Variants in SMYD3 observed in about 807,000 individuals in gnomAD.
SMYD3 encodes the protein SET and MYND domain containing 3.
Under a neutral mutation model 57.7 loss-of-function variants are expected in SMYD3, and 36 were observed. The ratio of observed to expected loss-of-function variants is 0.62; its 90% CI spans 0.48 to 0.82. The LOEUF (loss-of-function observed/expected upper bound fraction) is 0.82, where lower values mean the gene tolerates loss of function less well. Among genes scored for constraint, SMYD3 ranks in the 40% least tolerant of loss-of-function variants. The pLI, the probability that SMYD3 is intolerant of heterozygous loss-of-function variation, is 0.00. For missense variants in SMYD3, 515 were observed against 538.8 expected (o/e 0.96, Z 0.44); for synonymous variants, 211 against 195.0 (o/e 1.08, Z -0.68).
intron 10 of SMYD3, among the ~76,000 whole-genome samples, chr1:245,831,787 C>G (rs1164279098): frequency 6.6e-6 from 1 of 152,148 alleles, no homozygotes; most frequent in African/African-American, 2.4e-5. Context: ...TTGTGGCCAC[C>G]CCTCAAACTG....
chr1:246,005,151 A>C (rs1284291110), intron 5 of SMYD3, among the ~76,000 whole-genome samples: 1 of 152,172 alleles, frequency 6.6e-6, no homozygotes, highest in Non-Finnish European at 1.5e-5. Context: ...GACTGGCCTA[A>C]TTTTAACATT....
intron 5 of SMYD3, among the ~76,000 whole-genome samples, chr1:246,242,460 T>C (rs2063630487): frequency 2.6e-5 from 4 of 152,214 alleles, no homozygotes; most frequent in Admixed American, 2.0e-4. Context: ...GAGAGACAGT[T>C]TGTTATAATT....
intron 5 of SMYD3, among the ~76,000 whole-genome samples, chr1:246,248,442 T>C (rs2063743272): frequency 6.6e-6 from 1 of 152,084 alleles, no homozygotes; most frequent in South Asian, 2.1e-4. Flanking sequence ...TTTTGGAAAG[T>C]AATTTGGGCA....
chr1:246,029,006 T>C (rs1400600349), intron 5 of SMYD3, among the ~76,000 whole-genome samples: 1 of 152,194 alleles, frequency 6.6e-6, no homozygotes, highest in Admixed American at 6.5e-5. Context: ...TAAATGGTGT[T>C]GGGAAGATTC....
At chr1:246,136,415 A>AG (rs2061666365) in intron 5 of SMYD3, among the ~76,000 whole-genome samples, 1 of 152,184 alleles carries the variant, frequency 6.6e-6, no homozygotes, top group African/African-American at 2.4e-5. Context: ...AGTTGTGAAT[A>AG]ATGCTGCCCC....
chr1:245,806,851 A>T (rs963779444), intron 10 of SMYD3, among the ~76,000 whole-genome samples: 3 of 132,692 alleles, frequency 2.3e-5, no homozygotes, highest in Admixed American at 8.8e-5. Context: ...CGGAGCTTGC[A>T]GTGAGCCGAG....
intron 5 of SMYD3, among the ~76,000 whole-genome samples, chr1:246,316,599 T>C (rs2065163739): frequency 6.9e-6 from 1 of 145,048 alleles, no homozygotes; most frequent in African/African-American, 2.5e-5. Flanking sequence ...CAGGATGGTC[T>C]TGAACTCCTG....
At chr1:246,423,166 G>A (rs529953406) in intron 1 of SMYD3, among the ~76,000 whole-genome samples, 177 of 151,786 alleles carry the variant, frequency 1.2e-3, no homozygotes, top group Middle Eastern at 3.4e-3. Flanking sequence ...GCATGGTGGC[G>A]CATGCCTATA....
At chr1:246,253,949 G>A (rs2063836597) in intron 5 of SMYD3, among the ~76,000 whole-genome samples, 1 of 152,050 alleles carries the variant, frequency 6.6e-6, no homozygotes. Flanking sequence ...GGCTGAACTA[G>A]GTTTATATTC....
At chr1:246,210,056 GC>G (rs1487539872) in intron 5 of SMYD3, among the ~76,000 whole-genome samples, 1 of 152,112 alleles carries the variant, frequency 6.6e-6, no homozygotes, top group African/African-American at 2.4e-5. Context: ...CACCTAGAGA[GC>G]CTGTTTAAAA....
chr1:246,307,413 C>CTTTTT (rs869254416), intron 5 of SMYD3, among the ~76,000 whole-genome samples: 42 of 96,076 alleles, frequency 4.4e-4, no homozygotes, highest in East Asian at 1.0e-3. Flanking sequence ...TTAGGGGATT[C>CTTTTT]TTTTTTTTTT....
chr1:245,925,761 C>T (rs1192901593), intron 7 of SMYD3, among the ~76,000 whole-genome samples: 2 of 152,154 alleles, frequency 1.3e-5, no homozygotes, highest in Non-Finnish European at 2.9e-5. Context: ...GATTGTCTGT[C>T]CTCATAAAGC....
At position 246,506,995 on chromosome 1, in the gene SMYD3, C is replaced by A. The variant is rs907796506; in HGVS notation, c.164+59G>T. 288 of 825,390 alleles carry A rather than the reference C, an allele frequency of 3.5e-4. 16 individuals are homozygous for A. Among genetic ancestry groups the A allele is most frequent in the Non-Finnish European group, 3.9e-4 (239 of 616,380 alleles). The allele number at this position is 825,390 out of a possible 1,614,324, so 51.1% of individuals were successfully genotyped here. ...CGGCTGCCGGCCGCCCGACGCCCCC[C>A]CCTCCCCAGCACCCCACACAGCTCG... On this transcript the variant is annotated intron_variant, in intron 1 of 11. Coordinates refer to ENST00000490107, the MANE Select transcript of SMYD3 (RefSeq NM_001167740.2).
In SMYD3 at chr1:246,273,135, C is replaced by CTTTT. The variant is rs71299006; in HGVS notation, c.531+54062_531+54065dup. 5.6e-3 allele frequency among the ~76,000 whole-genome samples: 602 copies of CTTTT among 107,576 alleles called. 20 individuals are homozygous for CTTTT. Among genetic ancestry groups the CTTTT allele is most frequent in the African/African-American group, 0.019 (526 of 27,370 alleles). The allele number at this position is 107,576 out of a possible 152,430, so 70.6% of individuals were successfully genotyped here. A position where few individuals can be genotyped will look rare whatever the true frequency, so the allele number is the denominator to read the frequency against. ...TGATTCATAATAATGTCCCTGTTTTCTTTTTTTTTTTTTTTTTCTTTTTTT... is the reference window on the plus strand; with the variant it reads ...TGATTCATAATAATGTCCCTGTTTTCTTTTTTTTTTTTTTTTTTTTTCTTTTTTT... On this transcript the variant is annotated intron_variant, in intron 5 of 11. Transcript: ENST00000490107.
chr1:246,361,294 AT>A (rs1572419288), intron 1 of SMYD3, among the ~76,000 whole-genome samples: 1 of 152,356 alleles, frequency 6.6e-6, no homozygotes, highest in East Asian at 1.9e-4. Context: ...AATCAAAAAA[AT>A]AATCGACGTA....
intron 10 of SMYD3, among the ~76,000 whole-genome samples, chr1:245,797,882 G>C (rs1235564740): frequency 6.8e-6 from 1 of 147,312 alleles, no homozygotes; most frequent in African/African-American, 2.5e-5. Flanking sequence ...CTCATTGCTT[G>C]TGGTCTGCTT....
chr1:245,842,428 G>T (rs3949388), intron 10 of SMYD3, among the ~76,000 whole-genome samples: 56,492 of 131,948 alleles, frequency 0.43, 12,369 homozygotes, highest in Middle Eastern at 0.62. Context: ...AAATTCATTT[G>T]ACCAGGATTC....
intron 1 of SMYD3, among the ~76,000 whole-genome samples, chr1:246,363,186 C>T (rs1184011194): frequency 6.6e-6 from 1 of 151,590 alleles, no homozygotes; most frequent in Admixed American, 6.6e-5. Context: ...CTCCGCCCGG[C>T]AGCCACCCCG....
chr1:246,222,354 C>T (rs1381287063), intron 5 of SMYD3, among the ~76,000 whole-genome samples: 1 of 152,118 alleles, frequency 6.6e-6, no homozygotes, highest in Non-Finnish European at 1.5e-5. Context: ...GAACAAAGCA[C>T]AGAGAGATCC....
Sources: gnomAD v4.1 joint callset for allele counts (sites outside exome capture counted in the v4.1 genomes callset) on GRCh38, gnomAD v4.1.1 for gene constraint, MANE v1.5 for transcripts, NCBI Gene and HGNC (gene_info 2026-07-23, HGNC 2026-07-21) for gene names.